CCDC171: variants seen among roughly 807,000 people sequenced by gnomAD.
CCDC171 encodes the protein coiled-coil domain-containing protein 171.
A neutral mutation model predicts 168.2 loss-of-function variants in CCDC171; 177 were observed. The ratio of observed to expected loss-of-function variants is 1.05; its 90% CI spans 0.93 to 1.19. The LOEUF is 1.19. Among genes scored for constraint, CCDC171 ranks in the 50% most tolerant of loss-of-function variants. The pLI is 0.00. For synonymous variants in CCDC171, 687 were observed against 540.8 expected (o/e 1.27, Z -3.75); for missense variants, 1,991 against 1,539.0 (o/e 1.29, Z -4.91).
At chr9:15,664,859 T>A (rs1343526883) in intron 8 of CCDC171, among the ~76,000 whole-genome samples, 1 of 151,872 alleles carries the variant, frequency 6.6e-6, no homozygotes, top group African/African-American at 2.4e-5. Context: ...CCACCACGCC[T>A]GGCTCATTTT....
chr9:15,559,245 A>T (rs898493906), intron 1 of CCDC171, among the ~76,000 whole-genome samples: 26 of 145,258 alleles, frequency 1.8e-4, no homozygotes, highest in African/African-American at 7.2e-4. Context: ...GATGTCTGTT[A>T]GGTCTGCTTG....
chr9:16,093,443 A>G, the CCDC171 span, among the ~76,000 whole-genome samples: 6 of 152,292 alleles, frequency 3.9e-5, no homozygotes, highest in African/African-American at 1.4e-4. Context: ...CATTTAATAC[A>G]CTTCCACTAA....
intron 16 of CCDC171, among the ~76,000 whole-genome samples, chr9:15,740,965 T>G (rs1407096716): frequency 6.6e-6 from 1 of 152,210 alleles, no homozygotes; most frequent in Non-Finnish European, 1.5e-5. Flanking sequence ...TCAACCATAT[T>G]TAAAACTTTT....
chr9:15,559,443 T>A (rs1157894958), intron 1 of CCDC171, among the ~76,000 whole-genome samples: 1 of 152,206 alleles, frequency 6.6e-6, no homozygotes, highest in Non-Finnish European at 1.5e-5. Context: ...ATATTTAGGA[T>A]AGTTAGCTCT....
At chr9:15,642,383 A>ATATATATATC (rs1564119193) in intron 7 of CCDC171, among the ~76,000 whole-genome samples, 2 of 117,644 alleles carry the variant, frequency 1.7e-5, no homozygotes, top group African/African-American at 6.1e-5. Flanking sequence ...ATATATATAT[A>ATATATATATC]TGCATTTTAA....
At position 15,678,822 on chromosome 9, in the gene CCDC171, G is replaced by A. The variant is rs370235683; in HGVS notation, c.1141G>A (p.Val381Ile). The change falls in exon 10 of 26, where the codon GTA (valine) becomes ATA (isoleucine). Residue 381 changes from valine (V) to isoleucine (I), a missense_variant. Transcript: ENST00000380701. ...LNEDIEEQKKVIIDLSKRLQY... is the reference protein window; with the variant it reads ...LNEDIEEQKKIIIDLSKRLQY... ...TGAAGACATCGAGGAACAGAAGAAAGTAATTATAGACCTTTCAAAGAGACT... is the reference window on the plus strand; with the variant it reads ...TGAAGACATCGAGGAACAGAAGAAAATAATTATAGACCTTTCAAAGAGACT... 8 of 1,596,640 alleles carry A rather than the reference G, an allele frequency of 5.0e-6. No homozygotes were observed. The highest frequency in any genetic ancestry group is 2.3e-5 in the South Asian group (2 of 87,360).
chr9:16,083,311 C>A, the CCDC171 span, among the ~76,000 whole-genome samples: 91 of 152,214 alleles, frequency 6.0e-4, no homozygotes, highest in Middle Eastern at 3.4e-3. Flanking sequence ...CTCAGGGAAG[C>A]AAAGTAGTTT....
intron 23 of CCDC171, among the ~76,000 whole-genome samples, chr9:15,852,410 C>T (rs1467930980): frequency 6.6e-6 from 1 of 151,568 alleles, no homozygotes; most frequent in African/African-American, 2.4e-5. Flanking sequence ...ATCCTTTGCC[C>T]GTTTTTAAAT....
the CCDC171 span, among the ~76,000 whole-genome samples, chr9:16,088,549 A>G: frequency 0.35 from 53,187 of 152,076 alleles, 9,487 homozygotes; most frequent in African/African-American, 0.37. Context: ...AATGTGCAAA[A>G]ATCACAAGCA....
At position 15,729,650 on chromosome 9, in the gene CCDC171, C is replaced by G; in HGVS notation, c.1901C>G (p.Thr634Arg). 6.2e-7 allele frequency: 1 copy of G among 1,612,856 alleles called. No individual in the cohort carries two copies. The highest frequency in any genetic ancestry group is 8.5e-7 in the Non-Finnish European group (1 of 1,179,292). The change falls in exon 16 of 26, where the codon ACG (threonine) becomes AGG (arginine). Residue 634 changes from threonine to arginine, a missense_variant. By Grantham distance (71) the Thr-to-Arg change is moderately conservative (BLOSUM62 -1). Transcript: ENST00000380701. Reference protein sequence around the residue: ...LEYICKNKSDTMRELQQTQED... With the variant: ...LEYICKNKSDRMRELQQTQED... ...TATATCTGTAAAAACAAGTCTGACA[C>G]GATGAGAGAGCTTCAGCAGACTCAG...
rs184396167 is a variant in CCDC171 at position 15,564,924 on chromosome 9, A to G, written c.41+795A>G. ...ATTAAATGTATTTTACAAAATCATC[A>G]TGGATGGGGTGAAGATAGTCCTTCC... is the stretch of plus-strand genomic sequence containing the variant. On this transcript the variant is annotated intron_variant, in intron 2 of 25. Coordinates refer to ENST00000380701, the MANE Select transcript of CCDC171 (RefSeq NM_173550.4). Among the ~76,000 whole-genome samples the G allele has an allele frequency of 1.1e-4, 16 of 152,280 alleles. No homozygotes were observed. The East Asian group carries it at 1.4e-3, about 13-fold the overall frequency.
chr9:15,896,616 A>G (rs1243752650), intron 24 of CCDC171, among the ~76,000 whole-genome samples: 1 of 152,114 alleles, frequency 6.6e-6, no homozygotes, highest in Non-Finnish European at 1.5e-5. Flanking sequence ...AGGAGGTTGC[A>G]TATTTGCAAC....
intron 19 of CCDC171, 76 bp from the exon 20 acceptor site, chr9:15,778,892 A>G (rs2057496292): frequency 9.4e-7 from 1 of 1,067,866 alleles, no homozygotes; most frequent in African/African-American, 1.6e-5. Context: ...GTTACATTTA[A>G]TTTAGTAAAA....
intron 1 of CCDC171, among the ~76,000 whole-genome samples, chr9:16,059,172 G>A (rs1221823522): frequency 6.6e-6 from 1 of 152,118 alleles, no homozygotes; most frequent in East Asian, 1.9e-4. Context: ...TATAACAGCT[G>A]CCATTTCCCT....
chr9:15,704,506 C>G (rs1161502781), intron 11 of CCDC171, among the ~76,000 whole-genome samples: 1 of 152,142 alleles, frequency 6.6e-6, no homozygotes, highest in Non-Finnish European at 1.5e-5. Flanking sequence ...TGCTTTGTAT[C>G]TAACCTCTAT....
rs531490374 is a variant in CCDC171, at chr9:15,987,519, A to G, written n.369-33070A>G. The stretch of plus-strand genomic sequence containing the variant: ...AATTTAAAAATGGACAGAGATTTGA[A>G]ACATCAGTTCCCAGAAAAATGAATA... On this transcript the variant is annotated intron_variant and non_coding_transcript_variant, in intron 3 of 9. Coordinates refer to the CCDC171 transcript ENST00000486641. Among the ~76,000 whole-genome samples, 33 of 152,368 alleles carry G rather than the reference A, an allele frequency of 2.2e-4. 1 individual carries two copies. In the South Asian group the frequency reaches 6.8e-3, roughly 32 times the overall value.
chr9:16,060,555 C>T (rs569696897), intron 1 of CCDC171: 1 of 152,372 alleles, frequency 6.6e-6, no homozygotes, highest in East Asian at 1.9e-4. Flanking sequence ...TTCATTCACT[C>T]TGTGGATGAC....
In CCDC171 at chr9:15,670,355, A is replaced by G. The variant is rs1009520181; in HGVS notation, c.1076+4032A>G. Among the ~76,000 whole-genome samples the G allele has an allele frequency of 2.6e-5, 4 of 152,248 alleles. No individual in the cohort carries two copies. The South Asian group carries it at 8.3e-4, about 32-fold the overall frequency. ...ACAGCAGTTTTTAACTAAAATCTTG[A>G]TTTTATCAAATTAATACATGTACAC... is the stretch of plus-strand genomic sequence containing the variant. On this transcript the variant is annotated intron_variant, in intron 9 of 25. Transcript: ENST00000380701.
At chr9:15,707,329 A>G (rs1219537144) in intron 11 of CCDC171, among the ~76,000 whole-genome samples, 6 of 152,318 alleles carry the variant, frequency 3.9e-5, no homozygotes, top group South Asian at 2.1e-4. Context: ...GACTTTTCTT[A>G]ATGCAAAGAA....
Sources: allele counts gnomAD v4.1 joint callset (sites outside exome capture counted in the v4.1 genomes callset), GRCh38; gene constraint gnomAD v4.1.1; transcripts MANE v1.5; gene names NCBI Gene and HGNC (gene_info 2026-07-23, HGNC 2026-07-21).